LAPTM5: variants seen among roughly 807,000 people sequenced by gnomAD.
The protein encoded by LAPTM5 is lysosomal-associated transmembrane protein 5.
A neutral mutation model predicts 30.1 loss-of-function variants in LAPTM5; 11 were observed. The observed-to-expected ratio is 0.37, with a 90% CI of 0.23 to 0.60. LAPTM5 has a LOEUF of 0.60. LAPTM5 is among the 20% of genes least tolerant of loss of function. The pLI is 0.71. For synonymous variants in LAPTM5, 151 were observed against 137.9 expected, an observed-to-expected ratio of 1.10 and a Z score of -0.67; for missense variants, 324 against 332.5, an observed-to-expected ratio of 0.97 and a Z score of 0.20.
chr1:30,739,875 C>T lies in LAPTM5; in HGVS notation c.321G>A (p.Leu107=). Reference sequence around the variant, plus strand: ...CAATGTAGGAGCCCAGCAGGGTGAGCAGGCACAGGAGATAGTCCATGATTT... The same window carrying T: ...CAATGTAGGAGCCCAGCAGGGTGAGTAGGCACAGGAGATAGTCCATGATTT... ...SLQIMDYLLC[L]LTLLGSYIEL... The change falls in exon 4 of 8, where the codon CTG becomes CTA. Residue 107 remains leucine, a synonymous_variant. Coordinates refer to ENST00000294507, the MANE Select transcript of LAPTM5 (RefSeq NM_006762.3). This position sits in a 1 kb window ranked among gnomAD's most constrained non-coding sequence, Gnocchi z 4.2. The T allele has an allele frequency of 1.9e-6, 3 of 1,607,494 alleles. No homozygotes were observed. The highest frequency in any genetic ancestry group is 2.5e-6 in the Non-Finnish European group (3 of 1,176,674).
At chr1:30,743,522 T>C (rs1557463675) in intron 1 of LAPTM5, among the ~76,000 whole-genome samples, 1 of 152,190 alleles carries the variant, frequency 6.6e-6, no homozygotes, top group Non-Finnish European at 1.5e-5. Flanking sequence ...CTTAAGTGCT[T>C]CCAGCCATGG....
Position 30,733,418 on chromosome 1 carries a change from C to A in LAPTM5, c.*410G>T. On this transcript the variant is annotated 3_prime_UTR_variant, in exon 8 of 8. Transcript: ENST00000294507. The stretch of plus-strand genomic sequence containing the variant: ...TGTGAACTGACAACTATTTATAAAT[C>A]AATGCAATAGACTGTTGTTTGACCA... The A allele has an allele frequency of 2.6e-6, 2 of 758,214 alleles. No individual in the cohort carries two copies. Among genetic ancestry groups the A allele is most frequent in the Non-Finnish European group, 3.6e-6 (2 of 553,610 alleles). 47.0% of individuals were successfully genotyped at this position (758,214 alleles called of 1,614,324 possible). A position where few individuals can be genotyped will look rare whatever the true frequency, so the allele number is the denominator to read the frequency against.
At chr1:30,749,911 C>G (rs79191826) in intron 1 of LAPTM5, among the ~76,000 whole-genome samples, 2 of 151,924 alleles carry the variant, frequency 1.3e-5, no homozygotes, top group Non-Finnish European at 2.9e-5. Flanking sequence ...ACGGATCCAC[C>G]GGTTTGGCAG....
intron 1 of LAPTM5, among the ~76,000 whole-genome samples, chr1:30,743,432 A>C (rs1639999210): frequency 6.6e-6 from 1 of 152,192 alleles, no homozygotes; most frequent in Non-Finnish European, 1.5e-5. Context: ...ACTGAAGTTC[A>C]GCCACAAAAC....
chr1:30,738,894 G>A, intron 5 of LAPTM5, 46 bp downstream of exon 5: 1 of 1,565,688 alleles, frequency 6.4e-7, no homozygotes, highest in Non-Finnish European at 8.7e-7. Context: ...ACCTGTTCAA[G>A]GCCACACAGC....
chr1:30,736,644 C>T (rs371912748), intron 6 of LAPTM5, among the ~76,000 whole-genome samples: 15 of 152,010 alleles, frequency 9.9e-5, no homozygotes, highest in South Asian at 4.2e-4. Context: ...CTATGTTGCC[C>T]AGGTTGGTTT....
chr1:30,749,715 A>G (rs1197948500), intron 1 of LAPTM5, among the ~76,000 whole-genome samples: 2 of 152,118 alleles, frequency 1.3e-5, no homozygotes, highest in Non-Finnish European at 2.9e-5. Flanking sequence ...CTTGAAGAAG[A>G]TTCCCCGAAA....
rs1450096898 is a variant in LAPTM5, at chr1:30,739,908, C to G, written c.288G>C (p.Leu96=). 6.2e-7 allele frequency: 1 copy of G among 1,604,262 alleles called. No individual in the cohort carries two copies. Among genetic ancestry groups the G allele is most frequent in the South Asian group, 1.1e-5 (1 of 89,648 alleles). ...GGAGATAGTCCATGATTTGCAGGGA[C>G]AGGAAGGGCAGCAGGTACTTCTCCC... is the stretch of plus-strand genomic sequence containing the variant. ...KNREKYLLPF[L]SLQIMDYLLC... Residue 96 remains leucine, a synonymous_variant, in exon 4 of 8, where the codon CTG becomes CTC. Coordinates refer to ENST00000294507, the MANE Select transcript of LAPTM5 (RefSeq NM_006762.3). This position sits in a 1 kb window ranked among gnomAD's most constrained non-coding sequence, Gnocchi z 4.2.
chr1:30,748,191 C>T lies in LAPTM5; in HGVS notation c.88-5642G>A, dbSNP rs527543036. Among the ~76,000 whole-genome samples the T allele has an allele frequency of 5.3e-5, 8 of 152,218 alleles. No homozygotes were observed. The South Asian group carries it at 1.5e-3, about 28-fold the overall frequency. Reference sequence around the variant, plus strand: ...AGCCGTCAGTGAGCACACACCCGTGCCAGCCAGAGTGTGGACACTTTCCTA... The same window carrying T: ...AGCCGTCAGTGAGCACACACCCGTGTCAGCCAGAGTGTGGACACTTTCCTA... On this transcript the variant is annotated intron_variant, in intron 1 of 7. Transcript: ENST00000294507.
chr1:30,738,437 A>G (rs1020949184), intron 5 of LAPTM5, among the ~76,000 whole-genome samples: 1 of 152,122 alleles, frequency 6.6e-6, no homozygotes, highest in African/African-American at 2.4e-5. Flanking sequence ...CCAGGAGTTC[A>G]TCCTTCAGAT....
intron 1 of LAPTM5, among the ~76,000 whole-genome samples, chr1:30,751,550 C>A (rs537824604): frequency 6.6e-6 from 1 of 152,164 alleles, no homozygotes; most frequent in Non-Finnish European, 1.5e-5. Flanking sequence ...ACCAGCCTGG[C>A]CAACATGGTG....
chr1:30,736,750 A>T (rs1639890085), intron 6 of LAPTM5, among the ~76,000 whole-genome samples: 1 of 152,150 alleles, frequency 6.6e-6, no homozygotes, highest in Non-Finnish European at 1.5e-5. Flanking sequence ...TGTAGTTTTT[A>T]AATTTCTACT....
In LAPTM5 at chr1:30,733,772, G is replaced by C; in HGVS notation, c.*56C>G. The C allele has an allele frequency of 6.4e-7, 1 of 1,570,540 alleles. No individual in the cohort carries two copies. Among genetic ancestry groups the C allele is most frequent in the Non-Finnish European group, 8.6e-7 (1 of 1,162,830 alleles). On this transcript the variant is annotated 3_prime_UTR_variant, in exon 8 of 8. Transcript: ENST00000294507. ...CCACAGGGGCCACCAAAGCAAAAAA[G>C]CAGATTATGAGGCAGCTCCACCCCT...
At chr1:30,735,662 T>C (rs1639875347) in intron 6 of LAPTM5, among the ~76,000 whole-genome samples, 1 of 152,236 alleles carries the variant, frequency 6.6e-6, no homozygotes, top group African/African-American at 2.4e-5. Flanking sequence ...TATGTTGTTT[T>C]CTGAAGCAGA....
intron 2 of LAPTM5, 61 bp downstream of exon 2, chr1:30,742,395 C>G: frequency 8.1e-7 from 1 of 1,238,048 alleles, no homozygotes; most frequent in Non-Finnish European, 1.2e-6. Flanking sequence ...CTGGCTATCC[C>G]TGGCCAGGGC....
intron 3 of LAPTM5, 137 bp from the exon 4 acceptor site, chr1:30,740,074 T>C: frequency 1.1e-6 from 1 of 922,914 alleles, no homozygotes; most frequent in Non-Finnish European, 1.5e-6. Context: ...GTCACCTCCC[T>C]CTGAGTGACA....
intron 3 of LAPTM5, 148 bp from the exon 4 acceptor site, chr1:30,740,085 C>T (rs1639946670): frequency 1.2e-6 from 1 of 856,568 alleles, no homozygotes. Flanking sequence ...CTGAGTGACA[C>T]TCTGGGGACA....
intron 6 of LAPTM5, 45 bp from the exon 7 acceptor site, chr1:30,735,310 C>T: frequency 1.3e-6 from 2 of 1,514,056 alleles, no homozygotes; most frequent in African/African-American, 2.7e-5. Flanking sequence ...GAGCGTCCTT[C>T]TCACGCTCCA....
At chr1:30,750,765 C>A (rs1640124341) in intron 1 of LAPTM5, among the ~76,000 whole-genome samples, 1 of 152,336 alleles carries the variant, frequency 6.6e-6, no homozygotes, top group Middle Eastern at 3.4e-3. Flanking sequence ...GAGCCTGTTT[C>A]CTCATCTGTA....
Sources: allele counts gnomAD v4.1 joint callset (sites outside exome capture counted in the v4.1 genomes callset), GRCh38; gene constraint gnomAD v4.1.1; non-coding constraint Gnocchi (gnomAD v3.1); transcripts MANE v1.5; gene names NCBI Gene and HGNC (gene_info 2026-07-23, HGNC 2026-07-21).